The following GNA14 variants were observed in gnomAD, a reference collection of about 807,000 sequenced individuals.
GNA14 encodes the protein guanine nucleotide-binding protein subunit alpha-14.
A neutral mutation model predicts 42.0 loss-of-function variants in GNA14; 50 were observed. The ratio of observed to expected loss-of-function variants is 1.19; its 90% confidence interval spans 0.95 to 1.51. GNA14 has a LOEUF of 1.51. GNA14 is among the 40% of genes most tolerant of loss of function. The pLI is 0.00. For synonymous variants in GNA14, 173 were observed against 163.1 expected (o/e 1.06, Z -0.46); for missense variants, 473 against 446.2 (o/e 1.06, Z -0.54).
chr9:77,640,951 A>G (rs1010767682), intron 1 of GNA14, among the ~76,000 whole-genome samples: 4 of 148,764 alleles, frequency 2.7e-5, no homozygotes, highest in Non-Finnish European at 5.9e-5. Context: ...ATCTCATTGC[A>G]CAAGTCGGGT....
At chr9:77,574,949 C>T (rs1448772602) in intron 1 of GNA14, among the ~76,000 whole-genome samples, 1 of 152,170 alleles carries the variant, frequency 6.6e-6, no homozygotes, top group Non-Finnish European at 1.5e-5. Context: ...CTGCCTCACA[C>T]CCAACTTTCT....
At chr9:77,485,082 C>G (rs1431650661) in intron 2 of GNA14, among the ~76,000 whole-genome samples, 3 of 152,120 alleles carry the variant, frequency 2.0e-5, no homozygotes, top group Non-Finnish European at 4.4e-5. Flanking sequence ...TTGACTCTTC[C>G]TTTCATAAAA....
intron 2 of GNA14, among the ~76,000 whole-genome samples, chr9:77,504,607 CCGT>C (rs1334702907): frequency 1.3e-5 from 2 of 149,610 alleles, no homozygotes; most frequent in Non-Finnish European, 3.0e-5. Flanking sequence ...GCTGCATCCT[CCGT>C]TGGGGAAGCC....
chr9:77,480,713 C>A (rs182318109), intron 2 of GNA14, among the ~76,000 whole-genome samples: 1 of 152,206 alleles, frequency 6.6e-6, no homozygotes, highest in Admixed American at 6.5e-5. Flanking sequence ...TGATTATTGC[C>A]ACAATTTCAG....
chr9:77,589,169 T>C (rs1221711459), intron 1 of GNA14, among the ~76,000 whole-genome samples: 1 of 152,208 alleles, frequency 6.6e-6, no homozygotes, highest in Non-Finnish European at 1.5e-5. Flanking sequence ...TGGCATTGGT[T>C]TTCACAGGTG....
At chr9:77,499,620 G>C (rs1390648539) in intron 2 of GNA14, among the ~76,000 whole-genome samples, 1 of 152,146 alleles carries the variant, frequency 6.6e-6, no homozygotes, top group African/African-American at 2.4e-5. Flanking sequence ...GGAGGCTGAG[G>C]GGGGTGGATC....
chr9:77,527,835 A>G (rs1837464755), intron 2 of GNA14, among the ~76,000 whole-genome samples: 2 of 152,138 alleles, frequency 1.3e-5, no homozygotes, highest in South Asian at 4.1e-4. Context: ...GGGTTTCACT[A>G]TGTTGGCCAG....
At position 77,442,671 on chromosome 9, in the gene GNA14, C is replaced by G. The variant is rs574719457; in HGVS notation, c.310-8149G>C. ...AGGGGTTTGCAACTCAGCTTGGAAT[C>G]ATGACAATCTCAGATATCAAGTACC... On this transcript the variant is annotated intron_variant, in intron 2 of 6. Coordinates refer to ENST00000341700, the MANE Select transcript of GNA14 (RefSeq NM_004297.4). 2.0e-5 allele frequency among the ~76,000 whole-genome samples: 3 copies of G among 152,300 alleles called. No individual in the cohort carries two copies. The East Asian group carries it at 5.8e-4, about 29-fold the overall frequency.
At chr9:77,632,865 G>A (rs1315717421) in intron 1 of GNA14, among the ~76,000 whole-genome samples, 1 of 152,156 alleles carries the variant, frequency 6.6e-6, no homozygotes, top group Non-Finnish European at 1.5e-5. Flanking sequence ...GGCAGGTGTG[G>A]GACTCAGGCT....
intron 1 of GNA14, among the ~76,000 whole-genome samples, chr9:77,559,175 G>T (rs1822841128): frequency 6.6e-6 from 1 of 152,096 alleles, no homozygotes; most frequent in South Asian, 2.1e-4. Context: ...ATTAAGAAAT[G>T]CCTCTTGCTT....
At chr9:77,448,535 T>G (rs945804307) in intron 2 of GNA14, among the ~76,000 whole-genome samples, 1 of 152,242 alleles carries the variant, frequency 6.6e-6, no homozygotes, top group African/African-American at 2.4e-5. Flanking sequence ...AGATGCATTT[T>G]TGACTTTTGA....
intron 2 of GNA14, among the ~76,000 whole-genome samples, chr9:77,511,432 G>T (rs887384600): frequency 2.6e-5 from 4 of 152,168 alleles, no homozygotes; most frequent in African/African-American, 7.2e-5. Context: ...TAGGGATGAG[G>T]CCTATTCCTC....
At chr9:77,437,716 G>A (rs894467707) in intron 2 of GNA14, among the ~76,000 whole-genome samples, 1 of 152,202 alleles carries the variant, frequency 6.6e-6, no homozygotes, top group East Asian at 1.9e-4. Flanking sequence ...ATCTGCTGTG[G>A]TGATTTTGGA....
intron 1 of GNA14, among the ~76,000 whole-genome samples, chr9:77,572,739 A>G (rs773298010): frequency 6.6e-6 from 1 of 152,206 alleles, no homozygotes; most frequent in Non-Finnish European, 1.5e-5. Flanking sequence ...AAAATCTTGC[A>G]AAAACTTGGT....
In GNA14 at chr9:77,533,128, T is replaced by G. The variant is rs1410458653; in HGVS notation, c.125-3875A>C. Among the ~76,000 whole-genome samples, 3 of 152,162 alleles carry G rather than the reference T, an allele frequency of 2.0e-5. No individual in the cohort carries two copies. In the East Asian group the frequency reaches 5.8e-4, roughly 29 times the overall value. ...CCATTTAGTTTTTCTGTTTTCATATTTGAAAATAAAATCCAACAATGGTAA... is the reference window on the plus strand; with the variant it reads ...CCATTTAGTTTTTCTGTTTTCATATGTGAAAATAAAATCCAACAATGGTAA... On this transcript the variant is annotated intron_variant, in intron 1 of 6. Coordinates refer to ENST00000341700, the MANE Select transcript of GNA14 (RefSeq NM_004297.4).
chr9:77,576,422 T>C (rs1823129060), intron 1 of GNA14, among the ~76,000 whole-genome samples: 1 of 152,218 alleles, frequency 6.6e-6, no homozygotes. Flanking sequence ...ATAGTGTTTA[T>C]AGTTTTGTTT....
rs531634094 is a variant in GNA14 at position 77,490,503 on chromosome 9, G to A, written c.309+38566C>T. On this transcript the variant is annotated intron_variant, in intron 2 of 6. Coordinates refer to ENST00000341700, the MANE Select transcript of GNA14 (RefSeq NM_004297.4). ...AGGCAAGGGAAGGCTCAGGCATGGC[G>A]GGCTGCAGTCCCGAGGCCTGCCTCG... Among the ~76,000 whole-genome samples, 189 of 152,380 alleles carry A rather than the reference G, an allele frequency of 1.2e-3. 1 individual carries two copies. The highest frequency in any genetic ancestry group is 4.0e-3 in the African/African-American group (168 of 41,598).
chr9:77,507,360 C>T (rs1453259594), intron 2 of GNA14, among the ~76,000 whole-genome samples: 2 of 152,126 alleles, frequency 1.3e-5, no homozygotes, highest in Admixed American at 6.5e-5. Flanking sequence ...GTTATTTCCC[C>T]AACTTGAAAG....
intron 1 of GNA14, among the ~76,000 whole-genome samples, chr9:77,571,773 G>T (rs761376406): frequency 3.3e-5 from 5 of 149,288 alleles, no homozygotes; most frequent in Non-Finnish European, 7.5e-5. Flanking sequence ...AAAAAAAAAG[G>T]TTAAGTGCTG....
Sources: allele counts gnomAD v4.1 joint callset (sites outside exome capture counted in the v4.1 genomes callset), GRCh38; gene constraint gnomAD v4.1.1; transcripts MANE v1.5; gene names NCBI Gene and HGNC (gene_info 2026-07-23, HGNC 2026-07-21).